The following ZNG1B variants were observed in gnomAD, a reference collection of about 807,000 sequenced individuals.
ZNG1B encodes Zn regulated GTPase metalloprotein activator 1B.
At chr2:113,475,229 T>C in the ZNG1B span, among the ~76,000 whole-genome samples, 1 of 149,284 alleles carries the variant, frequency 6.7e-6, no homozygotes, top group Non-Finnish European at 1.5e-5. Flanking sequence ...AATTGATCCC[T>C]TTACCATTAT....
chr2:113,487,235 A>C, the ZNG1B span, among the ~76,000 whole-genome samples: 12 of 152,264 alleles, frequency 7.9e-5, no homozygotes, highest in African/African-American at 2.9e-4. Context: ...GCCTAGGAGC[A>C]ACAGGCTATA....
the ZNG1B span, among the ~76,000 whole-genome samples, chr2:113,467,947 G>T: frequency 6.7e-6 from 1 of 148,558 alleles, no homozygotes; most frequent in Non-Finnish European, 1.5e-5. Flanking sequence ...ACATAGTTTG[G>T]ATTTTCTTCT....
At chr2:113,476,521 C>T in the ZNG1B span, among the ~76,000 whole-genome samples, 2 of 149,218 alleles carry the variant, frequency 1.3e-5, no homozygotes, top group Non-Finnish European at 1.5e-5. Context: ...AGCTTTGTTC[C>T]GTTGCTGGTG....
chr2:113,484,188 TGTTA>T, the ZNG1B span, among the ~76,000 whole-genome samples: 2 of 141,630 alleles, frequency 1.4e-5, no homozygotes, highest in South Asian at 2.4e-4. Context: ...GTATGTTTTC[TGTTA>T]GTTATGATAT....
At chr2:113,489,341 A>G in the ZNG1B span, among the ~76,000 whole-genome samples, 1 of 152,226 alleles carries the variant, frequency 6.6e-6, no homozygotes, top group Non-Finnish European at 1.5e-5. Context: ...AAGAATGCTA[A>G]AAGGAACTCT....
chr2:113,473,078 G>A, the ZNG1B span, among the ~76,000 whole-genome samples: 5 of 149,810 alleles, frequency 3.3e-5, no homozygotes, highest in Non-Finnish European at 5.9e-5. Context: ...ACCTTGGGCA[G>A]TATGGCCATT....
chr2:113,477,385 G>A, the ZNG1B span, among the ~76,000 whole-genome samples: 1 of 152,074 alleles, frequency 6.6e-6, no homozygotes, highest in Non-Finnish European at 1.5e-5. Context: ...GCTCGCGGAT[G>A]GTGCACGCAC....
chr2:113,471,234 C>A, the ZNG1B span: 1 of 1,363,830 alleles, frequency 7.3e-7, no homozygotes. Flanking sequence ...GAGGTATATT[C>A]TTGGAAGTTT....
At chr2:113,453,288 G>T in the ZNG1B span, 2 of 1,568,712 alleles carry the variant, frequency 1.3e-6, no homozygotes, top group Admixed American at 2.0e-5. Context: ...TTGTTGCCCA[G>T]ACTGGAGTGC....
the ZNG1B span, among the ~76,000 whole-genome samples, chr2:113,439,874 ATTTTTTTTTTTTTT>A: frequency 2.0e-3 from 135 of 68,896 alleles, 1 homozygote; most frequent in African/African-American, 2.5e-3. Flanking sequence ...CCTTCCCTTA[ATTTTTTTTTTTTTT>A]TTTTTTTTTT....
At chr2:113,490,521 T>A in the ZNG1B span, among the ~76,000 whole-genome samples, 1 of 151,154 alleles carries the variant, frequency 6.6e-6, no homozygotes, top group African/African-American at 2.4e-5. Context: ...ACAAAAAAAA[T>A]CCAAAAGATA....
At chr2:113,451,993 G>A in the ZNG1B span, among the ~76,000 whole-genome samples, 1 of 151,862 alleles carries the variant, frequency 6.6e-6, no homozygotes, top group Non-Finnish European at 1.5e-5. Context: ...TTAAAATCAT[G>A]TTTTAGCCAA....
chr2:113,456,791 C>T, the ZNG1B span, among the ~76,000 whole-genome samples: 1 of 152,112 alleles, frequency 6.6e-6, no homozygotes, highest in Non-Finnish European at 1.5e-5. Flanking sequence ...AAGAATTTTC[C>T]AACTTGTCCA....
chr2:113,463,373 T>C, the ZNG1B span, among the ~76,000 whole-genome samples: 1 of 152,162 alleles, frequency 6.6e-6, no homozygotes, highest in African/African-American at 2.4e-5. Context: ...ATTTATAAGT[T>C]CTACTGACAT....
At chr2:113,449,410 A>G in the ZNG1B span, among the ~76,000 whole-genome samples, 4 of 140,640 alleles carry the variant, frequency 2.8e-5, no homozygotes, top group East Asian at 9.8e-4. Context: ...CTCTTGATTT[A>G]AAGTGAGAAA....
chr2:113,485,645 T>C, the ZNG1B span, among the ~76,000 whole-genome samples: 1 of 148,362 alleles, frequency 6.7e-6, no homozygotes, highest in Non-Finnish European at 1.5e-5. Context: ...ATATATTCAG[T>C]TGTCCCTGGT....
the ZNG1B span, among the ~76,000 whole-genome samples, chr2:113,479,980 C>T: frequency 6.6e-6 from 1 of 151,842 alleles, no homozygotes; most frequent in African/African-American, 2.4e-5. Flanking sequence ...CACTACCATG[C>T]CTGGCTAATT....
chr2:113,438,429 T>A, the ZNG1B span, among the ~76,000 whole-genome samples: 8 of 152,240 alleles, frequency 5.3e-5, 1 homozygote, highest in Admixed American at 5.2e-4. Context: ...GGATGTCCCG[T>A]CTGTAAAATG....
At chr2:113,475,797 T>A in the ZNG1B span, among the ~76,000 whole-genome samples, 1 of 152,170 alleles carries the variant, frequency 6.6e-6, no homozygotes, top group Non-Finnish European at 1.5e-5. Flanking sequence ...TTCTTTTCTT[T>A]AAGAATGTTG....
Sources: allele counts gnomAD v4.1 joint callset (sites outside exome capture counted in the v4.1 genomes callset), GRCh38; gene constraint gnomAD v4.1.1; transcripts MANE v1.5; gene names NCBI Gene and HGNC (gene_info 2026-07-23, HGNC 2026-07-21).